DCAF8L2: variants seen among roughly 807,000 people sequenced by gnomAD.
The protein encoded by DCAF8L2 is DDB1 and CUL4 associated factor 8 like 2, also known as DDB1- and CUL4-associated factor 8-like protein 2.
For synonymous variants in DCAF8L2, 200 were observed against 190.9 expected (o/e 1.05, Z -0.39); for missense variants, 430 against 490.7 (o/e 0.88, Z 1.17).
At chrX:27,584,238 C>T in the DCAF8L2 span, among the ~76,000 whole-genome samples, 1 of 111,194 alleles carries the variant, frequency 9.0e-6, no homozygotes, top group African/African-American at 3.3e-5. Context: ...ACAATAGAAC[C>T]TTTGAGTAGC....
chrX:27,688,720 GT>G (rs1334433015), intron 3 of DCAF8L2, among the ~76,000 whole-genome samples: 1 of 111,496 alleles, frequency 9.0e-6, no homozygotes, highest in Non-Finnish European at 1.9e-5. Flanking sequence ...ACTTTAAAAT[GT>G]TCAAAGTATA....
the DCAF8L2 span, chrX:27,517,857 T>C: frequency 3.7e-6 from 4 of 1,078,811 alleles, no homozygotes; most frequent in African/African-American, 1.8e-5. Context: ...GCTTTAACAT[T>C]CTCAGCATGA....
intron 3 of DCAF8L2, among the ~76,000 whole-genome samples, chrX:27,699,015 T>C (rs891683133): frequency 8.0e-5 from 9 of 111,921 alleles, no homozygotes; most frequent in Non-Finnish European, 1.7e-4. Context: ...GTCTGGGGAC[T>C]AGGCCAAAAG....
upstream of DCAF8L2, among the ~76,000 whole-genome samples, chrX:27,588,444 G>A (rs571813446): frequency 9.0e-6 from 1 of 111,088 alleles, no homozygotes; most frequent in Non-Finnish European, 1.9e-5. Flanking sequence ...GAATAGTAAT[G>A]CAATGAACAT....
chrX:27,497,250 T>C, the DCAF8L2 span, among the ~76,000 whole-genome samples: 1 of 112,192 alleles, frequency 8.9e-6, no homozygotes, highest in Non-Finnish European at 1.9e-5. Context: ...ATTGTAACAA[T>C]GTTGGTTTCC....
chrX:27,655,955 T>A (rs1929335268), intron 2 of DCAF8L2, among the ~76,000 whole-genome samples: 1 of 111,731 alleles, frequency 9.0e-6, no homozygotes, highest in African/African-American at 3.3e-5. Context: ...AACCTCTGTC[T>A]CCTGACCCTA....
At chrX:27,589,566 A>G (rs1199017483), upstream of DCAF8L2, among the ~76,000 whole-genome samples, 2 of 112,045 alleles carry the variant, frequency 1.8e-5, no homozygotes, top group Non-Finnish European at 3.8e-5. Context: ...GAAACATGAA[A>G]GATCAATTTA....
In DCAF8L2 at chrX:27,604,567, C is replaced by G. The variant is rs745744455; in HGVS notation, c.-342+14127C>G. On this transcript the variant is annotated intron_variant, in intron 1 of 4. Coordinates refer to ENST00000451261, the MANE Select transcript of DCAF8L2 (RefSeq NM_001353450.2). ...GACGTTGCAGAAACTCTGTAAATAT[C>G]TTATGAATGAATGAATGAAGAATGT... Among the ~76,000 whole-genome samples, 5 of 111,471 alleles carry G rather than the reference C, an allele frequency of 4.5e-5. No individual in the cohort carries two copies. In the South Asian group the frequency reaches 1.9e-3, roughly 41 times the overall value.
chrX:27,690,834 C>A (rs1555928475), intron 3 of DCAF8L2, among the ~76,000 whole-genome samples: 1 of 111,301 alleles, frequency 9.0e-6, no homozygotes, highest in South Asian at 3.8e-4. Context: ...TCAATTGAAT[C>A]GACACAAAAA....
intron 1 of DCAF8L2, among the ~76,000 whole-genome samples, chrX:27,616,092 A>G (rs1335507887): frequency 9.0e-6 from 1 of 111,077 alleles, no homozygotes; most frequent in Non-Finnish European, 1.9e-5. Flanking sequence ...TTCCCCTCTT[A>G]GGGACATAAA....
At chrX:27,482,046 T>A in the DCAF8L2 span, among the ~76,000 whole-genome samples, 1 of 111,683 alleles carries the variant, frequency 9.0e-6, no homozygotes, top group Non-Finnish European at 1.9e-5. Flanking sequence ...AAAACTTAGT[T>A]GTCTATGAGT....
At chrX:27,642,877 A>G (rs1156488486) in intron 2 of DCAF8L2, among the ~76,000 whole-genome samples, 2 of 112,102 alleles carry the variant, frequency 1.8e-5, no homozygotes, top group African/African-American at 6.5e-5. Context: ...TGCAGGTGAT[A>G]TGACAAGCAT....
intron 2 of DCAF8L2, among the ~76,000 whole-genome samples, chrX:27,675,055 T>A (rs1477179160): frequency 8.9e-6 from 1 of 112,250 alleles, no homozygotes; most frequent in Non-Finnish European, 1.9e-5. Flanking sequence ...TAATTTTTTT[T>A]ATCATTTAAA....
At chrX:27,486,973 G>A in the DCAF8L2 span, among the ~76,000 whole-genome samples, 1 of 110,995 alleles carries the variant, frequency 9.0e-6, no homozygotes, top group East Asian at 2.9e-4. Flanking sequence ...CATAAGTTTA[G>A]TAGCAACATG....
intron 2 of DCAF8L2, among the ~76,000 whole-genome samples, chrX:27,653,725 TACACAC>T (rs34651746): frequency 6.7e-4 from 62 of 92,064 alleles, no homozygotes; most frequent in African/African-American, 1.6e-3. Context: ...CAGATATGTA[TACACAC>T]ACACACACAC....
intron 1 of DCAF8L2, among the ~76,000 whole-genome samples, chrX:27,611,185 T>C (rs1360405619): frequency 9.0e-6 from 1 of 111,163 alleles, no homozygotes; most frequent in African/African-American, 3.3e-5. Context: ...ACAGGTACAC[T>C]ACGGGGATGG....
chrX:27,528,476 GTA>G, the DCAF8L2 span, among the ~76,000 whole-genome samples: 1,907 of 83,367 alleles, frequency 0.023, 25 homozygotes, highest in Admixed American at 0.045. Context: ...ATGTGTATGT[GTA>G]TATATATATA....
the DCAF8L2 span, among the ~76,000 whole-genome samples, chrX:27,554,488 T>C: frequency 8.9e-6 from 1 of 112,036 alleles, no homozygotes; most frequent in Non-Finnish European, 1.9e-5. Flanking sequence ...AGAAAGGGCT[T>C]TGCAGCAGGC....
chrX:27,519,299 C>T, the DCAF8L2 span: 1 of 1,036,291 alleles, frequency 9.6e-7, no homozygotes, highest in Non-Finnish European at 1.4e-6. Context: ...TGAAAACGAG[C>T]AAAAGAAGAA....
Sources: allele counts gnomAD v4.1 joint callset (sites outside exome capture counted in the v4.1 genomes callset), GRCh38; gene constraint gnomAD v4.1.1; transcripts MANE v1.5; gene names NCBI Gene and HGNC (gene_info 2026-07-23, HGNC 2026-07-21).